Variants in NDUFAF5 observed in about 807,000 individuals in gnomAD.
NDUFAF5 encodes NADH:ubiquinone oxidoreductase complex assembly factor 5.
A neutral mutation model predicts 48.9 loss-of-function variants in NDUFAF5; 34 were observed. That is an observed-to-expected ratio of 0.70 (90% CI 0.53 to 0.93). NDUFAF5 has a LOEUF of 0.93. Ranked by LOEUF, NDUFAF5 falls within the 40% of genes least tolerant of loss-of-function variation. The pLI, the probability that NDUFAF5 is intolerant of heterozygous loss-of-function variation, is 0.00. For synonymous variants in NDUFAF5, 153 were observed against 150.6 expected (o/e 1.02, Z -0.12); for missense variants, 428 against 427.5 (o/e 1.00, Z -0.01).
rs556448196 is a variant in NDUFAF5, at chr20:13,788,769, G to A, written c.327+117G>A. On this transcript the variant is annotated intron_variant, in intron 3 of 10. Coordinates refer to ENST00000378106, the MANE Select transcript of NDUFAF5 (RefSeq NM_024120.5). The stretch of plus-strand genomic sequence containing the variant: ...TTTAGATTTTAATTATATCAGAATT[G>A]TTAATTTGTTTTTTTTTTTAAGTGG... The A allele has an allele frequency of 4.2e-5, 27 of 638,140 alleles. No homozygotes were observed. The African/African-American group carries it at 4.9e-4, about 12-fold the overall frequency. 39.5% of individuals were successfully genotyped at this position (638,140 alleles called of 1,614,324 possible).
rs768383447 is a variant in NDUFAF5, at chr20:13,817,332, T to C, written c.*122T>C. 26 of 824,208 alleles carry C rather than the reference T, an allele frequency of 3.2e-5. No individual in the cohort carries two copies. Among genetic ancestry groups the C allele is most frequent in the Non-Finnish European group, 6.4e-6 (3 of 471,520 alleles). 51.1% of individuals were successfully genotyped at this position (824,208 alleles called of 1,614,324 possible). ...GCTATTTACTAATAGGCTTTTCATATAATTAGGAAAACCTAATATCACATC... is the reference window on the plus strand; with the variant it reads ...GCTATTTACTAATAGGCTTTTCATACAATTAGGAAAACCTAATATCACATC... On this transcript the variant is annotated 3_prime_UTR_variant, in exon 11 of 11. Coordinates refer to ENST00000378106, the MANE Select transcript of NDUFAF5 (RefSeq NM_024120.5).
chr20:13,811,952 G>A (rs908482710), intron 8 of NDUFAF5, among the ~76,000 whole-genome samples: 4 of 152,102 alleles, frequency 2.6e-5, no homozygotes, highest in Non-Finnish European at 4.4e-5. Flanking sequence ...TAAAGAAAGA[G>A]GATTATACAA....
rs759590740 is a variant in NDUFAF5, at chr20:13,798,514, T to C, written c.519+14T>C. 2.2e-5 allele frequency: 35 copies of C among 1,586,562 alleles called. No individual in the cohort carries two copies. The highest frequency in any genetic ancestry group is 3.3e-5 in the Admixed American group (2 of 59,966). ...GCACTTGAGCAGGTAAGAAAACTTATGTTCATTCAACTATCTTGTGTTATT... is the reference window on the plus strand; with the variant it reads ...GCACTTGAGCAGGTAAGAAAACTTACGTTCATTCAACTATCTTGTGTTATT... On this transcript the variant is annotated intron_variant, in intron 6 of 10. Coordinates refer to ENST00000378106, the MANE Select transcript of NDUFAF5 (RefSeq NM_024120.5).
Position 13,788,657 on chromosome 20 carries a change from AT to A in NDUFAF5, c.327+8del, listed in dbSNP as rs779992263. On this transcript the variant is annotated splice_donor_region_variant and intron_variant, in intron 3 of 10. Coordinates refer to ENST00000378106, the MANE Select transcript of NDUFAF5 (RefSeq NM_024120.5). ...ATTGCACAATATTTGAATAAGGTAT[AT>A]TTATTCAATGACCTAATTTACTTTG... 18 of 1,573,942 alleles carry A rather than the reference AT, an allele frequency of 1.1e-5. No individual in the cohort carries two copies. The highest frequency in any genetic ancestry group is 2.7e-5 in the African/African-American group (2 of 74,134).
chr20:13,785,370 C>G (rs1433989792), intron 1 of NDUFAF5, 80 bp downstream of exon 1: 17 of 1,258,272 alleles, frequency 1.4e-5, no homozygotes, highest in Non-Finnish European at 1.9e-5. Flanking sequence ...GGCTAGGCCC[C>G]GAGCTCACCC....
At chr20:13,814,682 G>A (rs900015639) in intron 8 of NDUFAF5, among the ~76,000 whole-genome samples, 21 of 152,164 alleles carry the variant, frequency 1.4e-4, no homozygotes, top group African/African-American at 4.8e-4. Flanking sequence ...AGCCCAGGGC[G>A]AGTCGGAAGT....
intron 5 of NDUFAF5, among the ~76,000 whole-genome samples, chr20:13,797,098 C>T (rs754668622): frequency 1.3e-5 from 2 of 152,182 alleles, no homozygotes; most frequent in Non-Finnish European, 2.9e-5. Context: ...ATCCAGGACA[C>T]TGACAACACT....
At position 13,785,059 on chromosome 20, in the gene NDUFAF5, GC is replaced by G; in HGVS notation, c.-9del. 6.2e-7 allele frequency: 1 copy of G among 1,607,546 alleles called. No individual in the cohort carries two copies. ...ACAAAAAGCGCCGGCAATTGGGGTC[GC>G]AGCTGGAGATGCTGCGGCCGGCAGG... On this transcript the variant is annotated 5_prime_UTR_variant, in exon 1 of 11. Coordinates refer to ENST00000378106, the MANE Select transcript of NDUFAF5 (RefSeq NM_024120.5).
rs1986524240 is a variant in NDUFAF5, at chr20:13,816,858, CA to C, written c.863-16del. Reference sequence around the variant, plus strand: ...TACTTGCATTTTTTCAGACTTTAACCATTATTGTCTTTTTAGAAATGTACAG... The same window carrying C: ...TACTTGCATTTTTTCAGACTTTAACCTTATTGTCTTTTTAGAAATGTACAG... On this transcript the variant is annotated splice_polypyrimidine_tract_variant and intron_variant, in intron 9 of 10. Transcript: ENST00000378106. The C allele has an allele frequency of 6.4e-7, 1 of 1,564,718 alleles. No homozygotes were observed. Among genetic ancestry groups the C allele is most frequent in the African/African-American group, 1.4e-5 (1 of 73,824 alleles).
chr20:13,816,313 TAATCTGA>T, intron 8 of NDUFAF5, 143 bp from the exon 9 acceptor site: 1 of 707,588 alleles, frequency 1.4e-6, no homozygotes, highest in Non-Finnish European at 2.6e-6. Flanking sequence ...AACCCAGTTA[TAATCTGA>T]AAGTGAAATG....
chr20:13,793,337 A>T, intron 4 of NDUFAF5, 110 bp downstream of exon 4: 1 of 971,448 alleles, frequency 1.0e-6, no homozygotes, highest in Non-Finnish European at 1.6e-6. Flanking sequence ...GACACATGAA[A>T]AGGAACTCAT....
intron 7 of NDUFAF5, among the ~76,000 whole-genome samples, chr20:13,807,108 G>A (rs554053648): frequency 5.3e-5 from 8 of 150,414 alleles, no homozygotes; most frequent in South Asian, 2.1e-4. Flanking sequence ...GTGCCGTGGC[G>A]TGATCTCGGC....
chr20:13,791,661 C>T (rs1325355300), intron 3 of NDUFAF5, among the ~76,000 whole-genome samples: 1 of 152,192 alleles, frequency 6.6e-6, no homozygotes, highest in East Asian at 1.9e-4. Context: ...ACATTTGTTA[C>T]AGAGAGGCTC....
At chr20:13,806,740 T>A (rs961801315) in intron 7 of NDUFAF5, among the ~76,000 whole-genome samples, 2 of 152,190 alleles carry the variant, frequency 1.3e-5, no homozygotes, top group Non-Finnish European at 2.9e-5. Context: ...CTTGTTAATA[T>A]GGAAAAGTAT....
At chr20:13,786,707 A>G (rs976546816) in intron 1 of NDUFAF5, among the ~76,000 whole-genome samples, 2 of 152,106 alleles carry the variant, frequency 1.3e-5, no homozygotes, top group Admixed American at 6.5e-5. Context: ...CCACGTCTTT[A>G]TTGCTACCAG....
chr20:13,810,996 A>C (rs1985785976), intron 8 of NDUFAF5, among the ~76,000 whole-genome samples: 1 of 152,196 alleles, frequency 6.6e-6, no homozygotes, highest in Admixed American at 6.5e-5. Context: ...TGAACTGACC[A>C]TCAACAGGAG....
rs180693072 is a variant in NDUFAF5 at position 13,809,514 on chromosome 20, G to A, written c.778+612G>A. Among the ~76,000 whole-genome samples, 10 of 152,288 alleles carry A rather than the reference G, an allele frequency of 6.6e-5. No individual in the cohort carries two copies. The East Asian group carries it at 9.6e-4, about 15-fold the overall frequency. ...TGAACATAGCAAGAACTGAAAGAAG[G>A]GCATTTTGGCTGGTGTTCAGGGAGT... On this transcript the variant is annotated intron_variant, in intron 8 of 10. Transcript: ENST00000378106.
chr20:13,796,737 G>T (rs1320504523), intron 5 of NDUFAF5, among the ~76,000 whole-genome samples: 8 of 152,198 alleles, frequency 5.3e-5, no homozygotes. Context: ...CCAGCCCTTT[G>T]GGAGGCCGAG....
chr20:13,799,315 C>G (rs1983741052), intron 6 of NDUFAF5, among the ~76,000 whole-genome samples: 1 of 152,136 alleles, frequency 6.6e-6, no homozygotes, highest in Non-Finnish European at 1.5e-5. Flanking sequence ...CATATCTGAA[C>G]ACGTATGATT....
Sources: allele counts gnomAD v4.1 joint callset (sites outside exome capture counted in the v4.1 genomes callset), GRCh38; gene constraint gnomAD v4.1.1; transcripts MANE v1.5; gene names NCBI Gene and HGNC (gene_info 2026-07-23, HGNC 2026-07-21).